Variants in CTNNA2 observed in about 807,000 individuals in gnomAD.
CTNNA2 encodes catenin alpha-2.
CTNNA2 carries 42 observed loss-of-function variants against 101.0 expected under a neutral mutation model. The ratio of observed to expected loss-of-function variants is 0.42; its 90% CI spans 0.32 to 0.54. CTNNA2 has a LOEUF of 0.54. CTNNA2 is among the 20% of genes least tolerant of loss of function. The probability of loss-of-function intolerance (pLI) is 0.14; values close to 1 mark genes in which losing one functional copy is unlikely to be tolerated. For missense variants in CTNNA2, 871 were observed against 1,223.1 expected, an observed-to-expected ratio of 0.71 and a Z score of 4.29; for synonymous variants, 450 against 456.4, an observed-to-expected ratio of 0.99 and a Z score of 0.18.
chr2:79,467,409 C>T (rs1044502006), intron 4 of CTNNA2, among the ~76,000 whole-genome samples: 1 of 152,150 alleles, frequency 6.6e-6, no homozygotes, highest in Non-Finnish European at 1.5e-5. Flanking sequence ...GATTGGTGTA[C>T]CTGAAAGTGA....
intron 9 of CTNNA2, among the ~76,000 whole-genome samples, chr2:80,501,560 GGAA>G (rs2149533597): frequency 6.6e-6 from 1 of 152,250 alleles, no homozygotes; most frequent in East Asian, 1.9e-4. Context: ...AAAATAACAA[GGAA>G]GCTGCCATAT....
chr2:80,092,787 C>T (rs749725907), intron 7 of CTNNA2, among the ~76,000 whole-genome samples: 1 of 152,026 alleles, frequency 6.6e-6, no homozygotes, highest in East Asian at 1.9e-4. Context: ...ATTGCCATGA[C>T]AGCTTCTATT....
chr2:80,536,495 A>G lies in CTNNA2; in HGVS notation c.1291-8487A>G, dbSNP rs142574271. On this transcript the variant is annotated intron_variant, in intron 9 of 18. Transcript: ENST00000402739. ...CTTAAAACACCAATATGATACCTGA[A>G]GCTGTAAAAATTAATGAAATGATTC... Among the ~76,000 whole-genome samples, 13 of 152,320 alleles carry G rather than the reference A, an allele frequency of 8.5e-5. No homozygotes were observed. In the East Asian group the frequency reaches 2.3e-3, roughly 27 times the overall value.
chr2:79,316,134 G>A (rs1338122703), intron 3 of CTNNA2, among the ~76,000 whole-genome samples: 1 of 152,006 alleles, frequency 6.6e-6, no homozygotes, highest in East Asian at 1.9e-4. Context: ...GTGTGAGGAA[G>A]GTGTCCAAAT....
At chr2:80,610,431 C>A (rs79770333) in intron 17 of CTNNA2, among the ~76,000 whole-genome samples, 2 of 151,604 alleles carry the variant, frequency 1.3e-5, no homozygotes, top group African/African-American at 4.8e-5. Flanking sequence ...TGTCATGTGG[C>A]ATGGCAAAGT....
chr2:79,611,848 T>A (rs1052446497), intron 1 of CTNNA2, among the ~76,000 whole-genome samples: 31 of 152,200 alleles, frequency 2.0e-4, no homozygotes, highest in African/African-American at 7.0e-4. Context: ...AACCACGCTT[T>A]GACTTGCTTA....
chr2:80,213,428 G>T (rs942155130), intron 7 of CTNNA2, among the ~76,000 whole-genome samples: 1 of 152,006 alleles, frequency 6.6e-6, no homozygotes, highest in African/African-American at 2.4e-5. Context: ...TGTTCTTATT[G>T]GTTTCAAAGA....
At chr2:80,436,604 G>A (rs1273237510) in intron 9 of CTNNA2, among the ~76,000 whole-genome samples, 2 of 151,970 alleles carry the variant, frequency 1.3e-5, no homozygotes, top group Admixed American at 1.3e-4. Context: ...CCTTAGACTG[G>A]GCAATTTATA....
chr2:79,246,907 G>A (rs569232359), intron 2 of CTNNA2, among the ~76,000 whole-genome samples: 1 of 152,348 alleles, frequency 6.6e-6, no homozygotes, highest in South Asian at 2.1e-4. Context: ...AAAGAAGAGA[G>A]AGAAGAGTCC....
chr2:80,592,698 T>C (rs569281308), intron 15 of CTNNA2, among the ~76,000 whole-genome samples: 2 of 137,856 alleles, frequency 1.5e-5, no homozygotes, highest in Non-Finnish European at 3.1e-5. Flanking sequence ...CATTTGCAAA[T>C]ACCCTTTTTA....
chr2:80,086,092 G>C (rs1413063823), intron 7 of CTNNA2, among the ~76,000 whole-genome samples: 1 of 151,992 alleles, frequency 6.6e-6, no homozygotes, highest in Non-Finnish European at 1.5e-5. Context: ...AGTAATAGAA[G>C]ACAATAAGGT....
chr2:80,558,963 A>AGTTC (rs2149667871), intron 12 of CTNNA2, among the ~76,000 whole-genome samples: 1 of 152,098 alleles, frequency 6.6e-6, no homozygotes, highest in Admixed American at 6.6e-5. Flanking sequence ...TCTTGGGGAG[A>AGTTC]GTTCTGGGGA....
intron 7 of CTNNA2, among the ~76,000 whole-genome samples, chr2:80,075,446 C>T (rs1254350035): frequency 2.0e-5 from 3 of 151,478 alleles, no homozygotes; most frequent in African/African-American, 7.3e-5. Flanking sequence ...ATAGCGTCTA[C>T]CTCCTAGGGC....
intron 1 of CTNNA2, among the ~76,000 whole-genome samples, chr2:79,568,858 CAAAAAAAAAAAAAAA>C (rs540965419): frequency 1.4e-5 from 1 of 68,982 alleles, no homozygotes; most frequent in Non-Finnish European, 2.6e-5. Context: ...TCTGTTTCTA[CAAAAAAAAAAAAAAA>C]AAAAAAAAAA....
At chr2:79,662,377 T>A (rs1682096980) in intron 2 of CTNNA2, among the ~76,000 whole-genome samples, 1 of 152,172 alleles carries the variant, frequency 6.6e-6, no homozygotes. Context: ...AAACTACATT[T>A]AAAATGCAAG....
intron 7 of CTNNA2, among the ~76,000 whole-genome samples, chr2:79,989,320 C>G (rs1287553961): frequency 6.6e-6 from 1 of 152,148 alleles, no homozygotes; most frequent in Non-Finnish European, 1.5e-5. Flanking sequence ...TCCATGGAAA[C>G]CACTACAAAT....
chr2:80,595,325 G>A (rs1573397715), intron 15 of CTNNA2, among the ~76,000 whole-genome samples: 2 of 152,076 alleles, frequency 1.3e-5, no homozygotes, highest in African/African-American at 4.8e-5. Context: ...TTTGTATCCT[G>A]CAACTTGCCT....
intron 3 of CTNNA2, among the ~76,000 whole-genome samples, chr2:79,809,636 G>T (rs1376563445): frequency 1.3e-5 from 2 of 151,984 alleles, no homozygotes; most frequent in African/African-American, 2.4e-5. Context: ...TGGTGGGGTG[G>T]TTTTTTTCTT....
chr2:79,957,727 C>T (rs984796249), intron 7 of CTNNA2, among the ~76,000 whole-genome samples: 2 of 152,182 alleles, frequency 1.3e-5, no homozygotes, highest in East Asian at 3.9e-4. Context: ...CTGTCTCATC[C>T]CAGTAACTAG....
Sources: allele counts gnomAD v4.1 joint callset (sites outside exome capture counted in the v4.1 genomes callset), GRCh38; gene constraint gnomAD v4.1.1; transcripts MANE v1.5; gene names NCBI Gene and HGNC (gene_info 2026-07-23, HGNC 2026-07-21).